Variants in IL17D observed in about 807,000 individuals in gnomAD.
IL17D encodes interleukin-17D.
IL17D carries 10 observed loss-of-function variants against 5.7 expected under a neutral mutation model. That is an observed-to-expected ratio of 1.75 (90% CI 1.08 to 2.97). The LOEUF (loss-of-function observed/expected upper bound fraction) is 2.97. Ranked by LOEUF, IL17D falls within the 30% of genes most tolerant of loss-of-function variation. The pLI, the probability that IL17D is intolerant of heterozygous loss-of-function variation, is 0.00. For synonymous variants in IL17D, 172 were observed against 141.7 expected (o/e 1.21, Z -1.52); for missense variants, 354 against 292.7 (o/e 1.21, Z -1.53).
At chr13:20,721,579 A>T in intron 1 of IL17D, 57 bp from the exon 2 acceptor site, 1 of 1,454,368 alleles carries the variant, frequency 6.9e-7, no homozygotes, top group South Asian at 1.3e-5. Context: ...CAGGGATTTC[A>T]GCGCGCGGCG....
At chr13:20,709,320 C>T (rs573143880) in intron 1 of IL17D, among the ~76,000 whole-genome samples, 30 of 152,200 alleles carry the variant, frequency 2.0e-4, no homozygotes, top group African/African-American at 7.2e-4. Flanking sequence ...CCTTCAGACA[C>T]ACTTGCCCAC....
intron 1 of IL17D, 150 bp from the exon 2 acceptor site, chr13:20,721,486 T>C: frequency 1.6e-6 from 1 of 614,038 alleles, no homozygotes; most frequent in Non-Finnish European, 2.8e-6. Flanking sequence ...CGGGCAGATC[T>C]GTTGTCGGCG....
intron 1 of IL17D, among the ~76,000 whole-genome samples, chr13:20,720,651 A>G (rs1338097873): frequency 2.0e-5 from 3 of 152,104 alleles, no homozygotes; most frequent in Admixed American, 2.0e-4. Flanking sequence ...GCGCTGCCCC[A>G]TCCTCTGGCC....
intron 1 of IL17D, among the ~76,000 whole-genome samples, chr13:20,705,567 C>T (rs1359991858): frequency 2.0e-5 from 3 of 152,156 alleles, no homozygotes; most frequent in Non-Finnish European, 4.4e-5. Context: ...TGTGGTGGCA[C>T]GTGCCTGTGG....
chr13:20,702,441 GTACACTTTCAAAAAGCT>G (rs1467891948), upstream of IL17D: 1 of 152,140 alleles, frequency 6.6e-6, no homozygotes, highest in Non-Finnish European at 1.5e-5. Context: ...TACATATTTT[GTACACTTTCAAAAAGCT>G]TACAGCTGGG....
At chr13:20,712,972 C>G (rs146498219) in intron 1 of IL17D, 1 of 151,172 alleles carries the variant, frequency 6.6e-6, no homozygotes, top group Non-Finnish European at 1.5e-5. Context: ...TCCCTCCCTC[C>G]CTTCTTTCCT....
chr13:20,715,249 A>G lies in IL17D; in HGVS notation c.291-6387A>G, dbSNP rs1595000223. On this transcript the variant is annotated intron_variant, in intron 1 of 1. Coordinates refer to ENST00000682841, the MANE Select transcript of IL17D (RefSeq NM_001385224.1). The stretch of plus-strand genomic sequence containing the variant: ...CCCCGCTCCACTCTAGAGCAATTGA[A>G]TCAGAATCTCTGGGGGTGGGGGGGA... Among the ~76,000 whole-genome samples the G allele has an allele frequency of 2.6e-5, 3 of 117,558 alleles. No homozygotes were observed. In the East Asian group the frequency reaches 8.4e-4, roughly 33 times the overall value. 77.1% of individuals were successfully genotyped at this position (117,558 alleles called of 152,430 possible). A position where few individuals can be genotyped will look rare whatever the true frequency, so the allele number is the denominator to read the frequency against.
intron 1 of IL17D, among the ~76,000 whole-genome samples, chr13:20,714,421 C>T (rs756693794): frequency 2.4e-4 from 37 of 152,320 alleles, no homozygotes; most frequent in Middle Eastern, 3.4e-3. Context: ...GGGGGCAGTG[C>T]GGGCGGCTGG....
At chr13:20,714,409 T>TG (rs2058663250) in intron 1 of IL17D, among the ~76,000 whole-genome samples, 1 of 152,140 alleles carries the variant, frequency 6.6e-6, no homozygotes, top group African/African-American at 2.4e-5. Flanking sequence ...AGCTTGGCTG[T>TG]GGGGGGCAGT....
rs184929075 is a variant in IL17D, at chr13:20,716,301, A to C, written c.291-5335A>C. ...TCATTTCTTTTTCAAAATTGTCTTG[A>C]GTATTCTTGGCCCTTTTCTTCTCTC... On this transcript the variant is annotated intron_variant, in intron 1 of 1. Coordinates refer to ENST00000682841, the MANE Select transcript of IL17D (RefSeq NM_001385224.1). This position sits in a 1 kb window ranked among gnomAD's most constrained non-coding sequence, Gnocchi z 4.2. Among the ~76,000 whole-genome samples the C allele has an allele frequency of 6.6e-6, 1 of 152,198 alleles. No homozygotes were observed. Among genetic ancestry groups the C allele is most frequent in the African/African-American group, 2.4e-5 (1 of 41,518 alleles).
At chr13:20,702,356 CTGAAATGTAGTTTAACTAA>C (rs1468665053), upstream of IL17D, 1 of 152,172 alleles carries the variant, frequency 6.6e-6, no homozygotes, top group African/African-American at 2.4e-5. Flanking sequence ...CAAAGCATAA[CTGAAATGTAGTTTAACTAA>C]TGGTTTACAA....
At chr13:20,715,094 A>G (rs1379641481) in intron 1 of IL17D, among the ~76,000 whole-genome samples, 3 of 152,200 alleles carry the variant, frequency 2.0e-5, no homozygotes, top group African/African-American at 7.2e-5. Flanking sequence ...CCAAAGGGAA[A>G]GTGAGAGATC....
intron 1 of IL17D, among the ~76,000 whole-genome samples, chr13:20,712,093 C>T (rs146279275): frequency 0.021 from 3,228 of 152,352 alleles, 53 homozygotes; most frequent in Non-Finnish European, 0.034. Context: ...CAAATATTGT[C>T]TAGGGGCTGG....
chr13:20,722,035 G>A lies in IL17D; in HGVS notation c.*81G>A. 8.2e-7 allele frequency: 1 copy of A among 1,218,152 alleles called. No homozygotes were observed. The highest frequency in any genetic ancestry group is 2.6e-4 in the Middle Eastern group (1 of 3,898). The allele number at this position is 1,218,152 out of a possible 1,614,324, so 75.5% of individuals were successfully genotyped here. A position where few individuals can be genotyped will look rare whatever the true frequency, so the allele number is the denominator to read the frequency against. On this transcript the variant is annotated 3_prime_UTR_variant, in exon 2 of 2. Coordinates refer to ENST00000682841, the MANE Select transcript of IL17D (RefSeq NM_001385224.1). ...GAGCCGCCTGGAGGGCTCGGTCGGC[G>A]ACCTCTGAAGAGAGTGCACCGAGCA...
rs1026242349 is a variant in IL17D, at chr13:20,704,298, C to A, written c.290+7C>A. On this transcript the variant is annotated splice_region_variant and intron_variant, in intron 1 of 1. Transcript: ENST00000682841. ...TGTCGCCCTGGGCCTACAGGTGAGC[C>A]GCGGGCGCGTCCTGGCGGGGCCCGG... 9 of 1,096,486 alleles carry A rather than the reference C, an allele frequency of 8.2e-6. No homozygotes were observed. In the African/African-American group the frequency reaches 1.4e-4, roughly 17 times the overall value. 67.9% of individuals were successfully genotyped at this position (1,096,486 alleles called of 1,614,324 possible). A position where few individuals can be genotyped will look rare whatever the true frequency, so the allele number is the denominator to read the frequency against.
At chr13:20,710,349 C>T (rs2141386450) in intron 1 of IL17D, among the ~76,000 whole-genome samples, 1 of 151,206 alleles carries the variant, frequency 6.6e-6, no homozygotes, top group African/African-American at 2.4e-5. Context: ...CGCAGTGGCT[C>T]ACACCTGTAA....
chr13:20,703,841 C>T lies in IL17D; in HGVS notation c.-161C>T. 5.4e-6 allele frequency: 1 copy of T among 185,682 alleles called. No homozygotes were observed. 11.5% of individuals were successfully genotyped at this position (185,682 alleles called of 1,614,324 possible). A position where few individuals can be genotyped will look rare whatever the true frequency, so the allele number is the denominator to read the frequency against. ...GCAGGCGGGGAGGGCGCTCTGGGGC[C>T]CGCCCGCGCGGCTCCCATCCTCCGG... On this transcript the variant is annotated 5_prime_UTR_variant, in exon 1 of 2. Transcript: ENST00000682841.
At chr13:20,715,953 T>C (rs959260050) in intron 1 of IL17D, 11 of 175,716 alleles carry the variant, frequency 6.3e-5, no homozygotes, top group Non-Finnish European at 1.1e-4. Context: ...GTCTCACTGT[T>C]GCCCAGGCTG....
rs2058572047 is a variant in IL17D at position 20,704,269 on chromosome 13, A to T, written c.268A>T (p.Ser90Cys). Residue 90 changes from serine (S) to cysteine (C), a missense_variant, in exon 1 of 2, where the codon AGC becomes TGC. Ser to Cys is a moderately radical substitution (Grantham distance 112). Transcript: ENST00000682841. Reference sequence around the variant, plus strand: ...CTTCCGGCCGCCCACCAACCTGCGCAGCGTGTCGCCCTGGGCCTACAGGTG... The same window carrying T: ...CTTCCGGCCGCCCACCAACCTGCGCTGCGTGTCGCCCTGGGCCTACAGGTG... ...RRFRPPTNLR[S>C]VSPWAYRISY... 8.2e-7 allele frequency: 1 copy of T among 1,226,964 alleles called. No individual in the cohort carries two copies. 76.0% of individuals were successfully genotyped at this position (1,226,964 alleles called of 1,614,324 possible).
Sources: allele counts gnomAD v4.1 joint callset (sites outside exome capture counted in the v4.1 genomes callset), GRCh38; gene constraint gnomAD v4.1.1; non-coding constraint Gnocchi (gnomAD v3.1); transcripts MANE v1.5; gene names NCBI Gene and HGNC (gene_info 2026-07-23, HGNC 2026-07-21).